Variants in BOD1L1 observed in about 807,000 individuals in gnomAD.
The protein encoded by BOD1L1 is biorientation of chromosomes in cell division protein 1-like 1.
BOD1L1 carries 86 observed loss-of-function variants against 240.7 expected under a neutral mutation model. The ratio of observed to expected loss-of-function variants is 0.36; its 90% CI spans 0.30 to 0.43. BOD1L1 has a LOEUF of 0.43. Among genes scored for constraint, BOD1L1 ranks in the 20% least tolerant of loss-of-function variants. The pLI is 1.00. For synonymous variants in BOD1L1, 1,268 were observed against 1,272.3 expected, an observed-to-expected ratio of 1.00 and a Z score of 0.07; for missense variants, 3,554 against 3,643.5, an observed-to-expected ratio of 0.98 and a Z score of 0.63.
Position 13,613,469 on chromosome 4 carries a change from T to C in BOD1L1, c.1324+43A>G. ...AGCCATCAGAATATACAAATAATGC[T>C]TGACAGGATGCTTCAGAGGCATTAT... On this transcript the variant is annotated intron_variant, in intron 5 of 25. Coordinates refer to ENST00000040738, the MANE Select transcript of BOD1L1 (RefSeq NM_148894.3). This position sits in a 1 kb window ranked among gnomAD's most constrained non-coding sequence, Gnocchi z 4.0. 1 of 1,562,406 alleles carries C rather than the reference T, an allele frequency of 6.4e-7. No individual in the cohort carries two copies. Among genetic ancestry groups the C allele is most frequent in the Non-Finnish European group, 8.8e-7 (1 of 1,141,564 alleles).
intron 16 of BOD1L1, 118 bp from the exon 17 acceptor site, chr4:13,586,593 C>T (rs1012603216): frequency 1.2e-5 from 6 of 518,126 alleles, no homozygotes; most frequent in African/African-American, 2.0e-5. Context: ...ACAGAGAAGC[C>T]AAAAGTTACT....
chr4:13,618,657 T>C (rs940808310), intron 2 of BOD1L1, among the ~76,000 whole-genome samples: 3 of 152,232 alleles, frequency 2.0e-5, no homozygotes, highest in African/African-American at 4.8e-5. Context: ...TCTTCTCTTA[T>C]GCACAAGGAG....
chr4:13,603,869 T>C lies in BOD1L1; in HGVS notation c.3031A>G (p.Arg1011Gly), dbSNP rs371910276. The change falls in exon 10 of 26, where the codon AGG becomes GGG. Residue 1011 changes from arginine to glycine, a missense_variant. Physicochemically the swap from Arg to Gly is moderately radical, Grantham distance 125 (BLOSUM62 -2). This residue lies in a region of BOD1L1 where 3,393 missense variants were observed against 3,427.1 expected (regional missense o/e 0.99). Transcript: ENST00000040738. ...CCATCTGACAACTTTCTCTCAAGCC[T>C]GGTGGAAGTGGAGTCTTTATCACTC... ...YKSDKDSTST[R>G]LERKLSDGHK... 2 of 1,613,574 alleles carry C rather than the reference T, an allele frequency of 1.2e-6. No individual in the cohort carries two copies. The highest frequency in any genetic ancestry group is 1.7e-6 in the Non-Finnish European group (2 of 1,179,896).
At chr4:13,594,104 G>C (rs182110498) in intron 12 of BOD1L1, among the ~76,000 whole-genome samples, 1 of 152,296 alleles carries the variant, frequency 6.6e-6, no homozygotes, top group Admixed American at 6.5e-5. Context: ...TGTGTCTTTG[G>C]AGCTATCTGC....
rs2108943749 is a variant in BOD1L1, at chr4:13,600,808, T to C, written c.6092A>G (p.Asp2031Gly). The C allele has an allele frequency of 2.5e-6, 4 of 1,613,914 alleles. No individual in the cohort carries two copies. Among genetic ancestry groups the C allele is most frequent in the East Asian group, 2.2e-5 (1 of 44,884 alleles). The change falls in exon 10 of 26, where the codon GAT (aspartate) becomes GGT (glycine). Residue 2031 changes from aspartate to glycine, a missense_variant. Transcript: ENST00000040738. ...TTCTACAGAGGTGATGATGTCCTCA[T>C]CTTCTTTTTCACTTGGTGATGTGTG... ...VAHTSPSEKE[D>G]EDIITSVENE...
intron 25 of BOD1L1, among the ~76,000 whole-genome samples, chr4:13,571,909 G>A (rs1485794278): frequency 2.0e-5 from 3 of 152,288 alleles, no homozygotes; most frequent in South Asian, 2.1e-4. Context: ...GTTTGCTTTC[G>A]TTTCTAGAAT....
rs113243374 is a variant in BOD1L1, at chr4:13,627,641, G to A, written c.-54C>T. The A allele has an allele frequency of 3.8e-4, 427 of 1,130,758 alleles. No homozygotes were observed. In the African/African-American group the frequency reaches 4.6e-3, roughly 12 times the overall value. 70.0% of individuals were successfully genotyped at this position (1,130,758 alleles called of 1,614,324 possible). On this transcript the variant is annotated 5_prime_UTR_variant, in exon 1 of 26. Coordinates refer to ENST00000040738, the MANE Select transcript of BOD1L1 (RefSeq NM_148894.3). ...CCTGACCGGCGGACGATCCTGGGAG[G>A]CGGCGGCTGCACTGGTCCCGCCGCC...
chr4:13,591,549 G>A (rs1030720143), intron 13 of BOD1L1, among the ~76,000 whole-genome samples: 6 of 152,292 alleles, frequency 3.9e-5, no homozygotes, highest in East Asian at 1.9e-4. Flanking sequence ...ACACATAGCA[G>A]TTACAGGTTA....
rs753136155 is a variant in BOD1L1 at position 13,601,461 on chromosome 4, G to A, written c.5439C>T (p.Ser1813=). 2.1e-5 allele frequency: 34 copies of A among 1,613,772 alleles called. No homozygotes were observed. Among genetic ancestry groups the A allele is most frequent in the Non-Finnish European group, 2.9e-5 (34 of 1,179,884 alleles). The change falls in exon 10 of 26, where the codon AGC becomes AGT. Residue 1813 remains serine, a synonymous_variant. Coordinates refer to ENST00000040738, the MANE Select transcript of BOD1L1 (RefSeq NM_148894.3). The stretch of plus-strand genomic sequence containing the variant: ...ATTCAGAACTTATAGCAAAGCCTTC[G>A]CTGCTATCTTCTGAACCTGTGCAAC... The part of the protein sequence containing the change: ...PASCTGSEDS[S]EGFAISSESE...
intron 10 of BOD1L1, 99 bp from the exon 11 acceptor site, chr4:13,597,267 G>A (rs1714703266): frequency 1.2e-6 from 1 of 826,914 alleles, no homozygotes; most frequent in Admixed American, 2.2e-5. Context: ...ACATGCTGTT[G>A]CACCTTCCTT....
In BOD1L1 at chr4:13,569,836, C is replaced by T; in HGVS notation, c.*175G>A. 1 of 406,338 alleles carries T rather than the reference C, an allele frequency of 2.5e-6. No individual in the cohort carries two copies. The allele number at this position is 406,338 out of a possible 1,614,324, so 25.2% of individuals were successfully genotyped here. A position where few individuals can be genotyped will look rare whatever the true frequency, so the allele number is the denominator to read the frequency against. On this transcript the variant is annotated 3_prime_UTR_variant, in exon 26 of 26. Coordinates refer to ENST00000040738, the MANE Select transcript of BOD1L1 (RefSeq NM_148894.3). ...CTGAAATAAATGTACATAATATCTT[C>T]TATGAACAATAGTTTATAAAGCTGT...
rs749503453 is a variant in BOD1L1 at position 13,603,232 on chromosome 4, G to T, written c.3668C>A (p.Pro1223His). 6.2e-7 allele frequency: 1 copy of T among 1,613,890 alleles called. No individual in the cohort carries two copies. Among genetic ancestry groups the T allele is most frequent in the Non-Finnish European group, 8.5e-7 (1 of 1,179,872 alleles). ...VSKMNPGEKEPIHRGTTEVNI... is the reference protein window; with the variant it reads ...VSKMNPGEKEHIHRGTTEVNI... ...CACTTCAGTAGTTCCTCTATGAATG[G>T]GTTCTTTCTCCCCAGGGTTCATTTT... is the stretch of plus-strand genomic sequence containing the variant. The change falls in exon 10 of 26, where the codon CCC becomes CAC. Residue 1223 changes from proline to histidine, a missense_variant. Transcript: ENST00000040738.
chr4:13,570,855 A>G (rs1342045571), intron 25 of BOD1L1, among the ~76,000 whole-genome samples: 1 of 152,134 alleles, frequency 6.6e-6, no homozygotes, highest in Non-Finnish European at 1.5e-5. Flanking sequence ...AAGATGCCCC[A>G]TCTTTGGAAT....
In BOD1L1 at chr4:13,576,716, A is replaced by C. The variant is rs546302214; in HGVS notation, c.9038+122T>G. On this transcript the variant is annotated intron_variant, in intron 25 of 25. Transcript: ENST00000040738. ...GCCCACTGCTAACAATAAAAATGAA[A>C]GGGAAGAACTTCCACTGCAGCATGA... is the stretch of plus-strand genomic sequence containing the variant. 1.0e-5 allele frequency: 13 copies of C among 1,279,652 alleles called. No homozygotes were observed. In the East Asian group the frequency reaches 3.2e-4, roughly 32 times the overall value. 79.3% of individuals were successfully genotyped at this position (1,279,652 alleles called of 1,614,324 possible).
chr4:13,604,567 T>C lies in BOD1L1; in HGVS notation c.2333A>G (p.Gln778Arg), dbSNP rs566887509. The C allele has an allele frequency of 1.9e-6, 3 of 1,560,634 alleles. No individual in the cohort carries two copies. Among genetic ancestry groups the C allele is most frequent in the South Asian group, 1.2e-5 (1 of 80,732 alleles). Reference protein sequence around the residue: ...VEENIQKQSQQTKLSSDDKTE... With the variant: ...VEENIQKQSQRTKLSSDDKTE... ...TTTATCATCTGAAGAAAGCTTTGTTTGTTGACTTTGCTTTTGAATATTTTC... is the reference window on the plus strand; with the variant it reads ...TTTATCATCTGAAGAAAGCTTTGTTCGTTGACTTTGCTTTTGAATATTTTC... The change falls in exon 10 of 26, where the codon CAA becomes CGA. Residue 778 changes from glutamine (Q) to arginine (R), a missense_variant. This residue lies in a region of BOD1L1 where 3,393 missense variants were observed against 3,427.1 expected (regional missense o/e 0.99). Coordinates refer to ENST00000040738, the MANE Select transcript of BOD1L1 (RefSeq NM_148894.3).
At position 13,579,066 on chromosome 4, in the gene BOD1L1, C is replaced by T. The variant is rs748338217; in HGVS notation, c.8749+862G>A. ...ACTCAAAGGTACTTCTTTTTAGTGACGGTAGTAGTTGTCCTTTTTTGCAAG... is the reference window on the plus strand; with the variant it reads ...ACTCAAAGGTACTTCTTTTTAGTGATGGTAGTAGTTGTCCTTTTTTGCAAG... On this transcript the variant is annotated intron_variant, in intron 22 of 25. Coordinates refer to ENST00000040738, the MANE Select transcript of BOD1L1 (RefSeq NM_148894.3). Among the ~76,000 whole-genome samples, 128 of 152,112 alleles carry T rather than the reference C, an allele frequency of 8.4e-4. 1 individual carries two copies. Among genetic ancestry groups the T allele is most frequent in the Non-Finnish European group, 7.4e-4 (50 of 68,026 alleles).
intron 2 of BOD1L1, among the ~76,000 whole-genome samples, chr4:13,617,043 G>A (rs1033166759): frequency 3.3e-5 from 5 of 152,114 alleles, no homozygotes; most frequent in South Asian, 2.1e-4. Context: ...TCAGGAGATC[G>A]AGACCATCCT....
intron 25 of BOD1L1, among the ~76,000 whole-genome samples, 152 bp downstream of exon 25, chr4:13,576,686 T>C (rs897196879): frequency 5.9e-5 from 9 of 152,086 alleles, no homozygotes; most frequent in Non-Finnish European, 8.8e-5. Context: ...CTCCAAGAAC[T>C]ATGTGCCCAC....
intron 25 of BOD1L1, among the ~76,000 whole-genome samples, chr4:13,574,297 C>T (rs1359067776): frequency 6.6e-6 from 1 of 152,020 alleles, no homozygotes; most frequent in Non-Finnish European, 1.5e-5. Flanking sequence ...TACTACATGA[C>T]CACTGAGAGC....
Sources: allele counts gnomAD v4.1 joint callset (sites outside exome capture counted in the v4.1 genomes callset), GRCh38; gene constraint gnomAD v4.1.1; regional missense constraint gnomAD v4.1.1; non-coding constraint Gnocchi (gnomAD v3.1); transcripts MANE v1.5; gene names NCBI Gene and HGNC (gene_info 2026-07-23, HGNC 2026-07-21).